The following HHIPL1 variants were observed in gnomAD, a reference collection of about 807,000 sequenced individuals.
The protein encoded by HHIPL1 is HHIP-like protein 1.
A neutral mutation model predicts 61.8 loss-of-function variants in HHIPL1; 43 were observed. The observed-to-expected ratio is 0.70, with a 90% confidence interval of 0.55 to 0.90. HHIPL1 has a LOEUF of 0.90. Among genes scored for constraint, HHIPL1 ranks in the 40% least tolerant of loss-of-function variants. HHIPL1 has a pLI of 0.00. For synonymous variants in HHIPL1, 482 were observed against 515.8 expected, an observed-to-expected ratio of 0.93 and a Z score of 0.89; for missense variants, 1,056 against 1,157.7, an observed-to-expected ratio of 0.91 and a Z score of 1.28.
the HHIPL1 span, among the ~76,000 whole-genome samples, chr14:99,615,163 G>A: frequency 2.6e-5 from 4 of 152,280 alleles, no homozygotes; most frequent in African/African-American, 9.6e-5. Context: ...AGTCCAGGGG[G>A]AGGGCAGAGT....
In HHIPL1 at chr14:99,652,467, C is replaced by G; in HGVS notation, c.499C>G (p.Leu167Val). ...CFPYLLVNKNLNSNLGHVVAD... is the reference protein window; with the variant it reads ...CFPYLLVNKNVNSNLGHVVAD... ...CCCTTACCTGCTGGTCAACAAGAAC[C>G]TCAACTCAAACCTGGGCCACGTGGT... Residue 167 changes from leucine (L) to valine (V), a missense_variant, in exon 2 of 9, where the codon CTC (leucine) becomes GTC (valine). Coordinates refer to ENST00000330710, the MANE Select transcript of HHIPL1 (RefSeq NM_001127258.3). 1.2e-6 allele frequency: 2 copies of G among 1,614,104 alleles called. No homozygotes were observed. The highest frequency in any genetic ancestry group is 1.7e-6 in the Non-Finnish European group (2 of 1,180,046).
intron 8 of HHIPL1, 63 bp downstream of exon 8, chr14:99,672,462 C>A: frequency 7.2e-7 from 1 of 1,384,960 alleles, no homozygotes; most frequent in Non-Finnish European, 1.0e-6. Flanking sequence ...ACAACGGCTG[C>A]CTTTCCAGCC....
At chr14:99,667,883 G>A (rs918341116) in intron 6 of HHIPL1, among the ~76,000 whole-genome samples, 4 of 152,240 alleles carry the variant, frequency 2.6e-5, no homozygotes, top group African/African-American at 9.6e-5. Context: ...GCCCAGAGGT[G>A]TGTGGGGCTG....
chr14:99,649,003 T>C (rs1053728117), intron 1 of HHIPL1, among the ~76,000 whole-genome samples: 2 of 152,212 alleles, frequency 1.3e-5, no homozygotes, highest in African/African-American at 4.8e-5. Flanking sequence ...TGGTTTCCTA[T>C]GGCCTTCCTG....
the HHIPL1 span, among the ~76,000 whole-genome samples, chr14:99,613,271 T>G: frequency 1.1e-4 from 17 of 151,868 alleles, no homozygotes; most frequent in Non-Finnish European, 2.1e-4. Flanking sequence ...TTTTTTAGTT[T>G]TTTTTTTTAA....
At chr14:99,624,077 A>C in the HHIPL1 span, among the ~76,000 whole-genome samples, 1 of 152,222 alleles carries the variant, frequency 6.6e-6, no homozygotes, top group African/African-American at 2.4e-5. Context: ...CAGACAGGGG[A>C]GCTACTCATC....
chr14:99,608,086 G>A, the HHIPL1 span, among the ~76,000 whole-genome samples: 2 of 152,044 alleles, frequency 1.3e-5, no homozygotes, highest in African/African-American at 2.4e-5. Flanking sequence ...TCCAGGTGGA[G>A]GAAGCAGTAC....
chr14:99,632,959 G>A, the HHIPL1 span, among the ~76,000 whole-genome samples: 3 of 151,438 alleles, frequency 2.0e-5, no homozygotes, highest in African/African-American at 7.3e-5. Context: ...GATAGAGGGA[G>A]GGTCCTATCT....
chr14:99,666,682 C>T (rs559112241), intron 6 of HHIPL1, among the ~76,000 whole-genome samples: 2 of 152,324 alleles, frequency 1.3e-5, no homozygotes, highest in East Asian at 1.9e-4. Flanking sequence ...GGGGAGTGGA[C>T]GGCCCAAGGC....
At chr14:99,628,171 G>T in the HHIPL1 span, among the ~76,000 whole-genome samples, 1 of 152,222 alleles carries the variant, frequency 6.6e-6, no homozygotes, top group Admixed American at 6.5e-5. Context: ...AGGAGCCCAG[G>T]TCCCCAGGTA....
chr14:99,632,005 C>T, the HHIPL1 span, among the ~76,000 whole-genome samples: 3 of 152,130 alleles, frequency 2.0e-5, no homozygotes, highest in Admixed American at 1.3e-4. Context: ...AGCCTGGGAG[C>T]GAGGCTGGGA....
At chr14:99,649,337 T>C (rs1474246838) in intron 1 of HHIPL1, among the ~76,000 whole-genome samples, 1 of 152,198 alleles carries the variant, frequency 6.6e-6, no homozygotes, top group Non-Finnish European at 1.5e-5. Flanking sequence ...ACCAAGATGG[T>C]GCCTGGTACA....
At chr14:99,619,244 C>T in the HHIPL1 span, among the ~76,000 whole-genome samples, 2 of 151,900 alleles carry the variant, frequency 1.3e-5, no homozygotes, top group Admixed American at 6.6e-5. Flanking sequence ...AGGCAGATCA[C>T]GAGGTCAGGA....
the HHIPL1 span, among the ~76,000 whole-genome samples, chr14:99,631,154 G>A: frequency 7.0e-6 from 1 of 141,950 alleles, no homozygotes; most frequent in Non-Finnish European, 1.5e-5. Flanking sequence ...GTCTTGCTGT[G>A]TCACCCAGGC....
the HHIPL1 span, among the ~76,000 whole-genome samples, chr14:99,627,981 C>T: frequency 2.0e-5 from 3 of 152,022 alleles, no homozygotes; most frequent in Non-Finnish European, 4.4e-5. This position sits in a 1 kb window ranked among gnomAD's most constrained non-coding sequence, Gnocchi z 4.4. Context: ...GTGGGAGGGG[C>T]GGCTGTTAGG....
chr14:99,671,895 G>A (rs1236407034), intron 7 of HHIPL1, among the ~76,000 whole-genome samples: 1 of 152,220 alleles, frequency 6.6e-6, no homozygotes, highest in Admixed American at 6.5e-5. Context: ...GGCAGAGAGA[G>A]ACCCTCCTCA....
At chr14:99,655,075 G>C (rs2140064803) in intron 2 of HHIPL1, among the ~76,000 whole-genome samples, 1 of 152,310 alleles carries the variant, frequency 6.6e-6, no homozygotes, top group South Asian at 2.1e-4. Context: ...GGCCAGGAAT[G>C]AGTGGTTATC....
chr14:99,638,396 G>A, the HHIPL1 span, among the ~76,000 whole-genome samples: 5 of 152,320 alleles, frequency 3.3e-5, no homozygotes, highest in African/African-American at 1.2e-4. Context: ...CTGTAGAAGG[G>A]ACGCAAAACC....
chr14:99,660,441 T>C lies in HHIPL1; in HGVS notation c.1502+35T>C. On this transcript the variant is annotated intron_variant, in intron 5 of 8. Transcript: ENST00000330710. This position sits in a 1 kb window ranked among gnomAD's most constrained non-coding sequence, Gnocchi z 4.9. Reference sequence around the variant, plus strand: ...CTAGTGCCCTCGCGCCCCTGGCTGCTGCCACTGGCTCCTTGGGACTGGCTC... The same window carrying C: ...CTAGTGCCCTCGCGCCCCTGGCTGCCGCCACTGGCTCCTTGGGACTGGCTC... The C allele has an allele frequency of 6.3e-7, 1 of 1,594,336 alleles. No homozygotes were observed. Among genetic ancestry groups the C allele is most frequent in the African/African-American group, 1.3e-5 (1 of 74,714 alleles).
Sources: gnomAD v4.1 joint callset for allele counts (sites outside exome capture counted in the v4.1 genomes callset) on GRCh38, gnomAD v4.1.1 for gene constraint, Gnocchi (gnomAD v3.1) non-coding constraint, MANE v1.5 for transcripts, NCBI Gene and HGNC (gene_info 2026-07-23, HGNC 2026-07-21) for gene names.